PRDM16: variants seen among roughly 807,000 people sequenced by gnomAD.
PRDM16 encodes PR/SET domain 16.
A neutral mutation model predicts 110.6 loss-of-function variants in PRDM16; 23 were observed. The observed-to-expected ratio is 0.21, with a 90% confidence interval of 0.15 to 0.29. The LOEUF (loss-of-function observed/expected upper bound fraction) is 0.29, where lower values mean the gene tolerates loss of function less well. Ranked by LOEUF, PRDM16 falls within the 10% of genes least tolerant of loss-of-function variation. The pLI is 1.00. For synonymous variants in PRDM16, 799 were observed against 781.8 expected (o/e 1.02, Z -0.37); for missense variants, 1,615 against 1,794.3 (o/e 0.90, Z 1.81).
At chr1:3,400,668 C>T (rs974467404) in intron 5 of PRDM16, among the ~76,000 whole-genome samples, 30 of 152,290 alleles carry the variant, frequency 2.0e-4, no homozygotes, top group African/African-American at 5.3e-4. Flanking sequence ...AAGTGGACTG[C>T]GCAGGCCCTG....
At chr1:3,395,638 C>T (rs1037769845) in intron 4 of PRDM16, among the ~76,000 whole-genome samples, 3 of 152,202 alleles carry the variant, frequency 2.0e-5, no homozygotes, top group African/African-American at 7.2e-5. Flanking sequence ...GTGCTGGCGG[C>T]ATGGCCCGTG....
At chr1:3,176,713 C>G (rs1569766048) in intron 1 of PRDM16, among the ~76,000 whole-genome samples, 2 of 145,752 alleles carry the variant, frequency 1.4e-5, no homozygotes, top group African/African-American at 5.0e-5. Flanking sequence ...TCCATCTATC[C>G]ATCCATCCAT....
intron 1 of PRDM16, among the ~76,000 whole-genome samples, chr1:3,116,126 C>T (rs1255640910): frequency 3.9e-5 from 6 of 152,180 alleles, no homozygotes; most frequent in African/African-American, 7.2e-5. Flanking sequence ...AGGTCAAGGT[C>T]AGGCCTAGCG....
At chr1:3,320,015 T>C (rs1291672872) in intron 3 of PRDM16, among the ~76,000 whole-genome samples, 2 of 152,062 alleles carry the variant, frequency 1.3e-5, no homozygotes, top group African/African-American at 4.8e-5. Flanking sequence ...AAGAGAGCAT[T>C]CCCTAGAAAA....
At chr1:3,132,448 A>C (rs1643354072) in intron 1 of PRDM16, among the ~76,000 whole-genome samples, 1 of 152,220 alleles carries the variant, frequency 6.6e-6, no homozygotes, top group African/African-American at 2.4e-5. Context: ...CTAGAGGGGC[A>C]CACATGGCCG....
intron 3 of PRDM16, among the ~76,000 whole-genome samples, chr1:3,256,826 C>T (rs991665826): frequency 6.6e-6 from 1 of 152,076 alleles, no homozygotes; most frequent in African/African-American, 2.4e-5. Context: ...CACTGCACTC[C>T]AGCCTGGGCG....
rs1642464786 is a variant in PRDM16, at chr1:3,350,709, G to A, written c.439-34443G>A. Reference sequence around the variant, plus strand: ...TTTGGCACCATGCAGCCTCCCAGATGGCCGGGCCGGGCTGGTTCCTCCCTC... The same window carrying A: ...TTTGGCACCATGCAGCCTCCCAGATAGCCGGGCCGGGCTGGTTCCTCCCTC... On this transcript the variant is annotated intron_variant, in intron 3 of 16. Transcript: ENST00000270722. This position sits in a 1 kb window ranked among gnomAD's most constrained non-coding sequence, Gnocchi z 7.1. Among the ~76,000 whole-genome samples, 1 of 152,128 alleles carries A rather than the reference G, an allele frequency of 6.6e-6. No individual in the cohort carries two copies. The highest frequency in any genetic ancestry group is 1.5e-5 in the Non-Finnish European group (1 of 68,024).
chr1:3,363,739 A>G (rs1011181459), intron 3 of PRDM16, among the ~76,000 whole-genome samples: 2 of 152,154 alleles, frequency 1.3e-5, no homozygotes, highest in Admixed American at 6.5e-5. Context: ...AGGTGACCAC[A>G]GCCACCCAGG....
chr1:3,282,415 G>A (rs565824576), intron 3 of PRDM16, among the ~76,000 whole-genome samples: 2 of 152,306 alleles, frequency 1.3e-5, no homozygotes, highest in South Asian at 2.1e-4. Context: ...CTTAGGACAG[G>A]CCAGGGTCAC....
chr1:3,386,454 G>C (rs569826062), intron 4 of PRDM16, among the ~76,000 whole-genome samples: 20 of 152,286 alleles, frequency 1.3e-4, no homozygotes, highest in African/African-American at 4.6e-4. Flanking sequence ...CCGTCCCCTT[G>C]GCTGTGGAGC....
At chr1:3,380,776 G>A (rs922167828) in intron 3 of PRDM16, among the ~76,000 whole-genome samples, 1 of 152,198 alleles carries the variant, frequency 6.6e-6, no homozygotes, top group Non-Finnish European at 1.5e-5. Context: ...GGTGAGGGGG[G>A]CATTACAAGA....
chr1:3,235,245 C>T (rs1639511991), intron 2 of PRDM16, among the ~76,000 whole-genome samples: 1 of 152,192 alleles, frequency 6.6e-6, no homozygotes. Flanking sequence ...CAAACAGCCT[C>T]GCAGAACTTT....
chr1:3,283,386 C>G (rs1054067225), intron 3 of PRDM16, among the ~76,000 whole-genome samples: 1 of 152,110 alleles, frequency 6.6e-6, no homozygotes, highest in African/African-American at 2.4e-5. Flanking sequence ...CTGTCCCTCT[C>G]TCCCTCCCTC....
In PRDM16 at chr1:3,411,896, C is replaced by A. The variant is rs1177160922; in HGVS notation, c.1699C>A (p.Gln567Lys). 6.2e-7 allele frequency: 1 copy of A among 1,613,496 alleles called. No individual in the cohort carries two copies. Among genetic ancestry groups the A allele is most frequent in the Middle Eastern group, 1.6e-4 (1 of 6,062 alleles). ...PLVSAVSNSS[Q>K]GTTAAAGPEE... Reference sequence around the variant, plus strand: ...GGTCTCCGCCGTCAGCAACAGCAGCCAGGGCACGACGGCAGCTGCGGGGCC... The same window carrying A: ...GGTCTCCGCCGTCAGCAACAGCAGCAAGGGCACGACGGCAGCTGCGGGGCC... The change falls in exon 9 of 17, where the codon CAG (glutamine) becomes AAG (lysine). Residue 567 changes from glutamine to lysine, a missense_variant. Gln to Lys is a moderately conservative substitution (Grantham distance 53). Transcript: ENST00000270722.
chr1:3,117,995 C>T lies in PRDM16; in HGVS notation c.37+48699C>T, dbSNP rs138441586. Among the ~76,000 whole-genome samples the T allele has an allele frequency of 3.8e-3, 578 of 150,938 alleles. 2 individuals are homozygous for T. Among genetic ancestry groups the T allele is most frequent in the Non-Finnish European group, 5.8e-3 (390 of 67,748 alleles). ...CATGCTGTGTGTGTGTACATGCACG[C>T]GTGTGTGCGTGTGCGTGTGTGCATG... On this transcript the variant is annotated intron_variant, in intron 1 of 16. Transcript: ENST00000270722.
intron 1 of PRDM16, among the ~76,000 whole-genome samples, chr1:3,156,897 C>T (rs1643863943): frequency 1.3e-5 from 2 of 152,226 alleles, no homozygotes; most frequent in South Asian, 4.1e-4. Context: ...GGGGCGTCAG[C>T]TCTGGGGCGG....
intron 2 of PRDM16, among the ~76,000 whole-genome samples, chr1:3,187,056 T>C (rs1293487797): frequency 6.6e-6 from 1 of 152,210 alleles, no homozygotes; most frequent in Non-Finnish European, 1.5e-5. Flanking sequence ...CTTGAGGGTC[T>C]GAAGCTGGCC....
rs116867665 is a variant in PRDM16 at position 3,340,389 on chromosome 1, G to C, written c.439-44763G>C. Among the ~76,000 whole-genome samples, 185 of 152,248 alleles carry C rather than the reference G, an allele frequency of 1.2e-3. 5 individuals are homozygous for C. In the East Asian group the frequency reaches 0.034, roughly 28 times the overall value. On this transcript the variant is annotated intron_variant, in intron 3 of 16. Transcript: ENST00000270722. ...CAGTGTGAGGCAGGAGCGTTTACCT[G>C]ATCCCCATCTCAGAGGTGCTGCAAA...
intron 2 of PRDM16, among the ~76,000 whole-genome samples, chr1:3,197,371 C>T (rs571850689): frequency 2.0e-5 from 3 of 152,286 alleles, no homozygotes; most frequent in East Asian, 1.9e-4. Flanking sequence ...GGCCCCAGCT[C>T]GTCGTGGGCA....
Sources: gnomAD v4.1 joint callset for allele counts (sites outside exome capture counted in the v4.1 genomes callset) on GRCh38, gnomAD v4.1.1 for gene constraint, Gnocchi (gnomAD v3.1) non-coding constraint, MANE v1.5 for transcripts, NCBI Gene and HGNC (gene_info 2026-07-23, HGNC 2026-07-21) for gene names.